NR6A1: variants seen among roughly 807,000 people sequenced by gnomAD.
NR6A1 encodes nuclear receptor subfamily 6 group A member 1, also known as retinoic acid receptor-related testis-associated receptor.
NR6A1 carries 7 observed loss-of-function variants against 59.1 expected under a neutral mutation model. The ratio of observed to expected loss-of-function variants is 0.12; its 90% CI spans 0.07 to 0.22. The LOEUF (loss-of-function observed/expected upper bound fraction) is 0.22, where lower values mean the gene tolerates loss of function less well. Among genes scored for constraint, NR6A1 ranks in the 10% least tolerant of loss-of-function variants. NR6A1 has a pLI of 1.00. For synonymous variants in NR6A1, 243 were observed against 236.1 expected, an observed-to-expected ratio of 1.03 and a Z score of -0.27; for missense variants, 468 against 611.6, an observed-to-expected ratio of 0.77 and a Z score of 2.48.
chr9:124,649,150 T>C (rs765374733), intron 2 of NR6A1, among the ~76,000 whole-genome samples: 13 of 125,958 alleles, frequency 1.0e-4, no homozygotes, highest in South Asian at 7.4e-4. Context: ...AATCCTGAAC[T>C]AAAAGAACAC....
intron 2 of NR6A1, among the ~76,000 whole-genome samples, chr9:124,659,779 A>G (rs1837372762): frequency 6.6e-6 from 1 of 152,234 alleles, no homozygotes. Flanking sequence ...GAAAGATAAA[A>G]TAATTTTCCA....
intron 2 of NR6A1, among the ~76,000 whole-genome samples, chr9:124,573,059 T>TGCC (rs1834487734): frequency 6.6e-6 from 1 of 152,128 alleles, no homozygotes; most frequent in Admixed American, 6.5e-5. Flanking sequence ...CTTTTATAAC[T>TGCC]AAAAATAGCT....
intron 1 of NR6A1, among the ~76,000 whole-genome samples, chr9:124,740,907 A>G (rs1840157151): frequency 6.6e-6 from 1 of 152,196 alleles, no homozygotes; most frequent in Admixed American, 6.5e-5. Context: ...AGGCAGCTCA[A>G]TAAATGTTTG....
chr9:124,534,522 AG>A (rs1833195891), intron 7 of NR6A1, among the ~76,000 whole-genome samples: 2 of 152,214 alleles, frequency 1.3e-5, no homozygotes, highest in Non-Finnish European at 2.9e-5. Flanking sequence ...CCAGAACAGC[AG>A]GGAGACAACC....
intron 2 of NR6A1, among the ~76,000 whole-genome samples, chr9:124,672,822 C>T (rs1425790803): frequency 6.6e-6 from 1 of 151,586 alleles, no homozygotes; most frequent in Non-Finnish European, 1.5e-5. Context: ...ATGCTGAGTA[C>T]CTTGGGCTAG....
At chr9:124,770,497 G>C (rs1463787148) in intron 1 of NR6A1, among the ~76,000 whole-genome samples, 2 of 151,614 alleles carry the variant, frequency 1.3e-5, no homozygotes, top group South Asian at 2.1e-4. Flanking sequence ...GGGTCAACAG[G>C]GCAAGAAGGG....
At chr9:124,598,147 C>A (rs1412262767) in intron 2 of NR6A1, among the ~76,000 whole-genome samples, 1 of 152,088 alleles carries the variant, frequency 6.6e-6, no homozygotes, top group Non-Finnish European at 1.5e-5. Context: ...CCACACCCGG[C>A]CTAAACACTA....
intron 2 of NR6A1, among the ~76,000 whole-genome samples, chr9:124,615,144 AAG>A (rs1190957191): frequency 6.6e-6 from 1 of 152,258 alleles, no homozygotes; most frequent in Admixed American, 6.5e-5. Context: ...GCAGCATAAA[AAG>A]AAATTGCTGA....
At chr9:124,695,504 A>AGCTGGCCCGCCAC (rs1380911511) in intron 2 of NR6A1, among the ~76,000 whole-genome samples, 1 of 152,072 alleles carries the variant, frequency 6.6e-6, no homozygotes, top group East Asian at 1.9e-4. Context: ...CCTCTCAAGT[A>AGCTGGCCCGCCAC]GCTGGCCCGC....
At chr9:124,536,930 C>G (rs1833285162) in intron 6 of NR6A1, among the ~76,000 whole-genome samples, 1 of 152,178 alleles carries the variant, frequency 6.6e-6, no homozygotes, top group South Asian at 2.1e-4. Context: ...GTTCAGGAAC[C>G]AGCATTGCTC....
chr9:124,659,149 G>A (rs1837346468), intron 2 of NR6A1, among the ~76,000 whole-genome samples: 1 of 152,208 alleles, frequency 6.6e-6, no homozygotes, highest in African/African-American at 2.4e-5. Flanking sequence ...CGCCTGGGGC[G>A]GTGGGGGTAG....
At chr9:124,721,390 C>G (rs1010199619) in intron 2 of NR6A1, among the ~76,000 whole-genome samples, 4 of 152,200 alleles carry the variant, frequency 2.6e-5, no homozygotes, top group African/African-American at 9.7e-5. Context: ...CAGAAGGGAA[C>G]TCCTCAGCAA....
At chr9:124,658,359 T>A (rs1564222534) in intron 2 of NR6A1, 2 of 152,362 alleles carry the variant, frequency 1.3e-5, no homozygotes, top group Non-Finnish European at 2.9e-5. Context: ...ATCCGCTTTC[T>A]TCCAGTGTGC....
chr9:124,540,326 T>A, intron 4 of NR6A1, 139 bp from the exon 5 acceptor site: 1 of 927,286 alleles, frequency 1.1e-6, no homozygotes, highest in Non-Finnish European at 1.6e-6. Context: ...TCCGGGCCTC[T>A]CACTAATCTT....
intron 1 of NR6A1, among the ~76,000 whole-genome samples, chr9:124,747,649 C>T (rs747585376): frequency 6.6e-6 from 1 of 152,170 alleles, no homozygotes; most frequent in Non-Finnish European, 1.5e-5. Flanking sequence ...TTTGAATCCT[C>T]TTTCTCCTGT....
chr9:124,643,760 C>CA (rs1185801928), intron 2 of NR6A1, among the ~76,000 whole-genome samples: 4,676 of 127,230 alleles, frequency 0.037, 75 homozygotes, highest in Non-Finnish European at 0.044. Flanking sequence ...CTCAAAAAAA[C>CA]AAAAAAAAAA....
rs116857402 is a variant in NR6A1, at chr9:124,542,089, T to G, written c.441+1713A>C. Among the ~76,000 whole-genome samples, 24 of 152,340 alleles carry G rather than the reference T, an allele frequency of 1.6e-4. No individual in the cohort carries two copies. The East Asian group carries it at 4.0e-3, about 26-fold the overall frequency. On this transcript the variant is annotated intron_variant, in intron 4 of 9. Transcript: ENST00000487099. ...TGTAAGATGGAAAAGTTCTAAAGAT[T>G]TGCTGTATCAGAGTGTGTATATAGT...
At chr9:124,752,615 T>C (rs1199191088) in intron 1 of NR6A1, among the ~76,000 whole-genome samples, 2 of 152,128 alleles carry the variant, frequency 1.3e-5, no homozygotes, top group Non-Finnish European at 2.9e-5. Context: ...TTTCCAACAT[T>C]ATCTAATGAG....
intron 1 of NR6A1, among the ~76,000 whole-genome samples, chr9:124,746,951 A>G (rs1482918527): frequency 6.6e-6 from 1 of 152,216 alleles, no homozygotes; most frequent in Non-Finnish European, 1.5e-5. Flanking sequence ...GCCCTAATGG[A>G]GACATTAACA....
Sources: gnomAD v4.1 joint callset for allele counts (sites outside exome capture counted in the v4.1 genomes callset) on GRCh38, gnomAD v4.1.1 for gene constraint, MANE v1.5 for transcripts, NCBI Gene and HGNC (gene_info 2026-07-23, HGNC 2026-07-21) for gene names.